Variants in KARS1 observed in about 807,000 individuals in gnomAD.
The protein encoded by KARS1 is lysine--tRNA ligase.
A neutral mutation model predicts 63.9 loss-of-function variants in KARS1; 50 were observed. That is an observed-to-expected ratio of 0.78 (90% confidence interval 0.62 to 0.99). The LOEUF is 0.99. Ranked by LOEUF, KARS1 falls within the 50% of genes least tolerant of loss-of-function variation. KARS1 has a pLI of 0.00. For missense variants in KARS1, 816 were observed against 754.5 expected (o/e 1.08, Z -0.95); for synonymous variants, 320 against 264.6 (o/e 1.21, Z -2.03).
At chr16:75,644,362 C>A (rs1395662914) in intron 1 of KARS1, 1 of 1,612,102 alleles carries the variant, frequency 6.2e-7, no homozygotes, top group South Asian at 1.1e-5. Flanking sequence ...TCCCTGTGAC[C>A]CCACTCTGCC....
At chr16:75,637,187 G>C (rs2082171418) in intron 3 of KARS1, among the ~76,000 whole-genome samples, 1 of 152,038 alleles carries the variant, frequency 6.6e-6, no homozygotes, top group Non-Finnish European at 1.5e-5. Flanking sequence ...AGCTAGAGAG[G>C]CGAAGCGAAA....
At chr16:75,636,603 A>G in intron 3 of KARS1, 56 bp from the exon 4 acceptor site, 1 of 1,105,292 alleles carries the variant, frequency 9.0e-7, no homozygotes, top group Non-Finnish European at 1.4e-6. Context: ...ATTTTATGGT[A>G]TCAGTGTCAA....
Position 75,634,217 on chromosome 16 carries a change from C to G in KARS1, c.871G>C (p.Asp291His). The change falls in exon 7 of 14, where the codon GAC becomes CAC. Residue 291 changes from aspartate to histidine, a missense_variant. Coordinates refer to ENST00000302445, the MANE Select transcript of KARS1 (RefSeq NM_005548.3). The part of the protein sequence containing the change: ...KPFITYHNEL[D>H]MNLYMRIAPE... ...GCAATTCTCATATATAAGTTCATGT[C>G]CAGCTCGTTGTGATAAGTGATGAAA... is the stretch of plus-strand genomic sequence containing the variant. 3 of 1,614,018 alleles carry G rather than the reference C, an allele frequency of 1.9e-6. No homozygotes were observed. Among genetic ancestry groups the G allele is most frequent in the Non-Finnish European group, 1.7e-6 (2 of 1,179,884 alleles).
rs564131384 is a variant in KARS1 at position 75,637,678 on chromosome 16, C to T, written c.389-1131G>A. Among the ~76,000 whole-genome samples the T allele has an allele frequency of 7.3e-5, 11 of 151,302 alleles. No individual in the cohort carries two copies. In the South Asian group the frequency reaches 1.5e-3, roughly 20 times the overall value. On this transcript the variant is annotated intron_variant, in intron 3 of 13. Coordinates refer to ENST00000302445, the MANE Select transcript of KARS1 (RefSeq NM_005548.3). ...CCTGTAATCCCAGCTACTTGGGAGG[C>T]TGAGGCAGGAGAATCGCTTGAACCT...
intron 10 of KARS1, 108 bp from the exon 11 acceptor site, chr16:75,630,616 C>A (rs936644923): frequency 5.5e-6 from 3 of 542,364 alleles, no homozygotes; most frequent in Non-Finnish European, 9.8e-6. Flanking sequence ...TATCCTATAG[C>A]TTTTTATTTA....
intron 11 of KARS1, 38 bp from the exon 12 acceptor site, chr16:75,629,579 G>A (rs200364315): frequency 6.8e-6 from 11 of 1,611,556 alleles, no homozygotes; most frequent in Admixed American, 6.7e-5. Context: ...TGAATATAGA[G>A]GCCCCTAATG....
Position 75,630,491 on chromosome 16 carries a change from C to T in KARS1, c.1356G>A (p.Leu452=), listed in dbSNP as rs201426187. The T allele has an allele frequency of 1.2e-6, 2 of 1,609,728 alleles. No homozygotes were observed. Among genetic ancestry groups the T allele is most frequent in the Non-Finnish European group, 1.7e-6 (2 of 1,176,516 alleles). Residue 452 remains leucine (L), a synonymous_variant, in exon 11 of 14, where the codon CTG becomes CTA. Transcript: ENST00000302445. ...RLLDKLVGEF[L]EVTCINPTFI... ...ATGTAGGATTGATGCAAGTCACTTC[C>T]AGGAACTCCCCAACAAGCTTAATGA...
chr16:75,640,354 T>TA lies in KARS1; in HGVS notation c.223-6dup, dbSNP rs370077957. On this transcript the variant is annotated splice_polypyrimidine_tract_variant and splice_region_variant and intron_variant, in intron 2 of 13. Coordinates refer to ENST00000302445, the MANE Select transcript of KARS1 (RefSeq NM_005548.3). ...ACTGCGGATTTTGTAGTATTGCTGT[T>TA]AAAAAAAAAAAAAAAAAAGCCCTTC... The TA allele has an allele frequency of 0.078, 118,107 of 1,523,724 alleles. 4,308 individuals are homozygous for TA. Among genetic ancestry groups the TA allele is most frequent in the East Asian group, 0.39 (16,079 of 41,404 alleles). 94.4% of individuals were successfully genotyped at this position (1,523,724 alleles called of 1,614,324 possible). A position where few individuals can be genotyped will look rare whatever the true frequency, so the allele number is the denominator to read the frequency against.
At chr16:75,639,764 C>T (rs1395487145) in intron 3 of KARS1, 1 of 169,690 alleles carries the variant, frequency 5.9e-6, no homozygotes, top group Non-Finnish European at 1.3e-5. Flanking sequence ...TGGGAGAGGG[C>T]AAGGAAAAGA....
chr16:75,632,380 G>A (rs2082123600), intron 7 of KARS1, among the ~76,000 whole-genome samples: 1 of 152,150 alleles, frequency 6.6e-6, no homozygotes, highest in Non-Finnish European at 1.5e-5. Context: ...TACTCTTCCT[G>A]TCTTGGGCAT....
chr16:75,642,805 T>C (rs2082239946), intron 1 of KARS1: 1 of 152,236 alleles, frequency 6.6e-6, no homozygotes, highest in South Asian at 2.1e-4. Context: ...TTGTCAATTA[T>C]GTGACTTGGA....
intron 1 of KARS1, among the ~76,000 whole-genome samples, chr16:75,645,976 A>T (rs2082278375): frequency 6.6e-6 from 1 of 152,136 alleles, no homozygotes; most frequent in African/African-American, 2.4e-5. Context: ...ATTCAATGTA[A>T]TTGATTATCA....
intron 4 of KARS1, 31 bp downstream of exon 4, chr16:75,636,423 G>T: frequency 7.1e-7 from 1 of 1,413,610 alleles, no homozygotes; most frequent in South Asian, 1.2e-5. Context: ...GGCCAACCAA[G>T]AAAGGTCTAT....
rs755352453 is a variant in KARS1, at chr16:75,628,631, C to T, written c.1633G>A (p.Ala545Thr). Reference sequence around the variant, plus strand: ...CGATCAATGCCCATGCCCCAGCCAGCTGTGGGGGGCAGCCCATATTCCAGG... The same window carrying T: ...CGATCAATGCCCATGCCCCAGCCAGTTGTGGGGGGCAGCCCATATTCCAGG... Reference protein sequence around the residue: ...TALEYGLPPTAGWGMGIDRVA... With the variant: ...TALEYGLPPTTGWGMGIDRVA... Residue 545 changes from alanine (A) to threonine (T), a missense_variant, in exon 13 of 14, where the codon GCT becomes ACT. Physicochemically the swap from Ala to Thr is moderately conservative, Grantham distance 58. Transcript: ENST00000302445. The T allele has an allele frequency of 6.2e-7, 1 of 1,614,200 alleles. No homozygotes were observed. Among genetic ancestry groups the T allele is most frequent in the South Asian group, 1.1e-5 (1 of 91,082 alleles).
intron 6 of KARS1, 139 bp downstream of exon 6, chr16:75,635,541 C>T (rs925249958): frequency 1.3e-5 from 13 of 978,512 alleles, no homozygotes; most frequent in African/African-American, 9.6e-5. Flanking sequence ...AGAACAGAGA[C>T]GATGGCAAGA....
intron 13 of KARS1, 97 bp downstream of exon 13, chr16:75,628,472 G>T: frequency 7.2e-7 from 1 of 1,393,840 alleles, no homozygotes; most frequent in Non-Finnish European, 1.0e-6. Flanking sequence ...CCAGCCCAAA[G>T]CCCTTCCTTA....
Position 75,647,627 on chromosome 16 carries a change from G to C in KARS1, c.13C>G (p.Gln5Glu). 1.2e-6 allele frequency: 2 copies of C among 1,613,648 alleles called. No individual in the cohort carries two copies. The highest frequency in any genetic ancestry group is 1.1e-5 in the South Asian group (1 of 91,056). ...CCATCCACTTTCACCTCGGCCGCCT[G>C]CACGGCCGCCATCTTCCCGGAGGGC... The part of the protein sequence containing the change: MAAV[Q>E]AAEVKVDGSE... Residue 5 changes from glutamine (Q) to glutamate (E), a missense_variant, in exon 1 of 14, where the codon CAG becomes GAG. Physicochemically the swap from Gln to Glu is conservative, Grantham distance 29 (BLOSUM62 2). Transcript: ENST00000302445.
chr16:75,646,183 C>A lies in KARS1; in HGVS notation c.62+1395G>T, dbSNP rs146643687. On this transcript the variant is annotated intron_variant, in intron 1 of 13. Transcript: ENST00000302445. ...TATTAAGGTCCTACCCAACTATAAA[C>A]TTCGACAATTTCTCTTATACTTTTT... Among the ~76,000 whole-genome samples the A allele has an allele frequency of 3.6e-3, 546 of 152,316 alleles. 13 individuals are homozygous for A. Among genetic ancestry groups the A allele is most frequent in the Admixed American group, 0.033 (502 of 15,292 alleles).
chr16:75,636,144 C>T (rs1448420867), intron 4 of KARS1, 46 bp from the exon 5 acceptor site: 2 of 1,164,884 alleles, frequency 1.7e-6, no homozygotes, highest in Admixed American at 3.7e-5. Flanking sequence ...TTCAAATGAA[C>T]ACTGACCACT....
Sources: gnomAD v4.1 joint callset for allele counts (sites outside exome capture counted in the v4.1 genomes callset) on GRCh38, gnomAD v4.1.1 for gene constraint, MANE v1.5 for transcripts, NCBI Gene and HGNC (gene_info 2026-07-23, HGNC 2026-07-21) for gene names.